The following PPP2R2B variants were observed in gnomAD, a reference collection of about 807,000 sequenced individuals.
PPP2R2B encodes the protein serine/threonine-protein phosphatase 2A 55 kDa regulatory subunit B beta isoform.
Under a neutral mutation model 46.0 loss-of-function variants are expected in PPP2R2B, and 5 were observed. The observed-to-expected ratio is 0.11, with a 90% confidence interval of 0.06 to 0.23. PPP2R2B has a LOEUF of 0.23. Among genes scored for constraint, PPP2R2B ranks in the 10% least tolerant of loss-of-function variants. The pLI is 1.00. For synonymous variants in PPP2R2B, 215 were observed against 206.7 expected (o/e 1.04, Z -0.34); for missense variants, 367 against 575.0 (o/e 0.64, Z 3.70).
rs1390516245 is a variant in PPP2R2B, at chr5:147,050,939, C to T, written c.79+4726G>A. Among the ~76,000 whole-genome samples the T allele has an allele frequency of 2.6e-5, 4 of 151,734 alleles. No homozygotes were observed. In the East Asian group the frequency reaches 7.9e-4, roughly 30 times the overall value. On this transcript the variant is annotated intron_variant, in intron 1 of 8. Coordinates refer to the PPP2R2B transcript ENST00000336640. Reference sequence around the variant, plus strand: ...GGAGCATTGTTGATAGAATATGGGTCAGTTTGTTTATTCACTCTCCCCACC... The same window carrying T: ...GGAGCATTGTTGATAGAATATGGGTTAGTTTGTTTATTCACTCTCCCCACC...
intron 1 of PPP2R2B, among the ~76,000 whole-genome samples, chr5:146,901,133 C>T (rs191979801): frequency 1.2e-4 from 18 of 152,260 alleles, no homozygotes; most frequent in Non-Finnish European, 2.1e-4. Context: ...TTGAGGCACA[C>T]CCAGTTTTGA....
chr5:146,795,079 T>G (rs1003218386), intron 2 of PPP2R2B, among the ~76,000 whole-genome samples: 1 of 152,132 alleles, frequency 6.6e-6, no homozygotes, highest in Non-Finnish European at 1.5e-5. Context: ...GGGTTCTTAG[T>G]TGCAATGGTC....
At chr5:146,965,792 A>G (rs1752373979) in intron 1 of PPP2R2B, among the ~76,000 whole-genome samples, 1 of 152,210 alleles carries the variant, frequency 6.6e-6, no homozygotes, top group African/African-American at 2.4e-5. Context: ...CCATAGCAGG[A>G]AAGCATGATG....
At chr5:146,937,644 G>A (rs1764196849) in intron 1 of PPP2R2B, among the ~76,000 whole-genome samples, 1 of 152,114 alleles carries the variant, frequency 6.6e-6, no homozygotes. Context: ...GTGAGGAAAG[G>A]AGACATCCTT....
At chr5:146,707,254 T>G (rs1269782775) in intron 2 of PPP2R2B, 3 of 1,587,960 alleles carry the variant, frequency 1.9e-6, no homozygotes. Flanking sequence ...CCACTTGGTC[T>G]CCAGCATCTT....
At chr5:146,787,701 G>A (rs758343798) in intron 2 of PPP2R2B, among the ~76,000 whole-genome samples, 14 of 152,070 alleles carry the variant, frequency 9.2e-5, no homozygotes, top group Non-Finnish European at 1.3e-4. Flanking sequence ...CTGAGTACCT[G>A]GGACTACAGG....
rs940716010 is a variant in PPP2R2B at position 147,022,452 on chromosome 5, C to T, written c.79+33213G>A. Among the ~76,000 whole-genome samples, 6 of 151,484 alleles carry T rather than the reference C, an allele frequency of 4.0e-5. No homozygotes were observed. In the South Asian group the frequency reaches 8.4e-4, roughly 21 times the overall value. On this transcript the variant is annotated intron_variant, in intron 1 of 8. Transcript: ENST00000336640. ...AGCATGCACCTTAGTCCCAGCCATT[C>T]GGGAGGCTGAGGCAGGGGAATCGCT... is the stretch of plus-strand genomic sequence containing the variant.
intron 2 of PPP2R2B, among the ~76,000 whole-genome samples, chr5:146,780,424 C>T (rs77783934): frequency 0.058 from 8,850 of 152,176 alleles, 411 homozygotes; most frequent in African/African-American, 0.13. Context: ...CCAGGCCCTG[C>T]GGTACGAGGA....
chr5:146,915,602 G>A (rs1411647125), intron 1 of PPP2R2B, among the ~76,000 whole-genome samples: 1 of 152,098 alleles, frequency 6.6e-6, no homozygotes, highest in Admixed American at 6.6e-5. Flanking sequence ...TTTACCCTAA[G>A]TTTAGCTGTC....
chr5:146,953,407 A>G (rs1406951331), intron 1 of PPP2R2B, among the ~76,000 whole-genome samples: 2 of 152,186 alleles, frequency 1.3e-5, no homozygotes, highest in South Asian at 4.1e-4. Flanking sequence ...TGGATACACC[A>G]GCTCCAAACA....
intron 7 of PPP2R2B, among the ~76,000 whole-genome samples, chr5:146,609,247 G>A (rs1433353215): frequency 1.3e-5 from 2 of 152,130 alleles, no homozygotes; most frequent in Admixed American, 1.3e-4. Context: ...CTAGTATCAC[G>A]CTGAATGGGG....
intron 5 of PPP2R2B, among the ~76,000 whole-genome samples, chr5:146,673,303 AAAG>A (rs1561820755): frequency 6.6e-6 from 1 of 151,718 alleles, no homozygotes; most frequent in Non-Finnish European, 1.5e-5. Flanking sequence ...AAATTTCTGT[AAAG>A]TAAGTACAAA....
At chr5:146,887,384 C>T (rs1416027915) in intron 1 of PPP2R2B, among the ~76,000 whole-genome samples, 1 of 151,956 alleles carries the variant, frequency 6.6e-6, no homozygotes, top group African/African-American at 2.4e-5. Flanking sequence ...AAATTTTTAC[C>T]TACTAGAAAC....
At chr5:146,799,762 T>C (rs1194283504) in intron 2 of PPP2R2B, among the ~76,000 whole-genome samples, 3 of 152,226 alleles carry the variant, frequency 2.0e-5, no homozygotes, top group African/African-American at 7.2e-5. Flanking sequence ...GTTCTGTTTA[T>C]AAAACTGCAA....
intron 1 of PPP2R2B, among the ~76,000 whole-genome samples, chr5:147,052,235 A>G (rs1222214516): frequency 6.6e-6 from 1 of 152,220 alleles, no homozygotes; most frequent in African/African-American, 2.4e-5. Flanking sequence ...TCATGCATGT[A>G]GGAGTGAATG....
At chr5:146,606,403 G>A (rs1363532671) in intron 7 of PPP2R2B, among the ~76,000 whole-genome samples, 2 of 152,212 alleles carry the variant, frequency 1.3e-5, no homozygotes, top group Non-Finnish European at 2.9e-5. Context: ...TCCAAACACA[G>A]TGGCCTGGGT....
At chr5:147,032,172 T>G (rs1214949879) in intron 1 of PPP2R2B, among the ~76,000 whole-genome samples, 3 of 152,096 alleles carry the variant, frequency 2.0e-5, no homozygotes, top group African/African-American at 7.2e-5. Context: ...ATATCCAGAA[T>G]CTACAACGAA....
In PPP2R2B at chr5:146,696,487, T is replaced by G. The variant is rs576688709; in HGVS notation, c.334+1492A>C. On this transcript the variant is annotated intron_variant, in intron 4 of 9. Coordinates refer to ENST00000394411, the MANE Select transcript of PPP2R2B (RefSeq NM_181675.4). Reference sequence around the variant, plus strand: ...TTAGCTATAGAAGACAATCAGACATTTTTCCTCTGCCTAAAGTAATTAAGT... The same window carrying G: ...TTAGCTATAGAAGACAATCAGACATGTTTCCTCTGCCTAAAGTAATTAAGT... Among the ~76,000 whole-genome samples, 35 of 152,274 alleles carry G rather than the reference T, an allele frequency of 2.3e-4. 1 individual carries two copies. Among genetic ancestry groups the G allele is most frequent in the African/African-American group, 7.7e-4 (32 of 41,538 alleles).
At chr5:146,705,689 A>C (rs939661099) in intron 2 of PPP2R2B, among the ~76,000 whole-genome samples, 2 of 152,182 alleles carry the variant, frequency 1.3e-5, no homozygotes, top group Admixed American at 1.3e-4. Flanking sequence ...GTAACTTACC[A>C]AGTTTTGGTA....
Sources: gnomAD v4.1 joint callset for allele counts (sites outside exome capture counted in the v4.1 genomes callset) on GRCh38, gnomAD v4.1.1 for gene constraint, MANE v1.5 for transcripts, NCBI Gene and HGNC (gene_info 2026-07-23, HGNC 2026-07-21) for gene names.